The following MAGI2 variants were observed in gnomAD, a reference collection of about 807,000 sequenced individuals.
The protein encoded by MAGI2 is membrane associated guanylate kinase, WW and PDZ domain containing 2.
Under a neutral mutation model 133.3 loss-of-function variants are expected in MAGI2, and 35 were observed. That is an observed-to-expected ratio of 0.26 (90% confidence interval 0.20 to 0.35). The LOEUF (loss-of-function observed/expected upper bound fraction) is 0.35, where lower values mean the gene tolerates loss of function less well. Ranked by LOEUF, MAGI2 falls within the 10% of genes least tolerant of loss-of-function variation. The pLI is 1.00. For synonymous variants in MAGI2, 729 were observed against 710.6 expected (o/e 1.03, Z -0.41); for missense variants, 1,636 against 1,863.4 (o/e 0.88, Z 2.25).
chr7:78,072,834 A>AT (rs555000104), intron 21 of MAGI2: 2 of 397,712 alleles, frequency 5.0e-6, no homozygotes, highest in South Asian at 1.3e-4. Context: ...CGCTTGGCTA[A>AT]TTTTTTTGTA....
chr7:78,166,040 T>C (rs1453627768), intron 15 of MAGI2, among the ~76,000 whole-genome samples: 1 of 152,168 alleles, frequency 6.6e-6, no homozygotes, highest in Non-Finnish European at 1.5e-5. Context: ...AGCATAACAT[T>C]TTCAAAAATT....
chr7:79,143,533 A>G (rs1237206223), intron 1 of MAGI2, among the ~76,000 whole-genome samples: 2 of 152,214 alleles, frequency 1.3e-5, no homozygotes, highest in Non-Finnish European at 2.9e-5. Context: ...TAAAACTCAA[A>G]TAATAATAAA....
chr7:78,737,646 A>T (rs1287843802), intron 2 of MAGI2, among the ~76,000 whole-genome samples: 1 of 152,230 alleles, frequency 6.6e-6, no homozygotes, highest in Admixed American at 6.5e-5. Context: ...TCTTCTATGA[A>T]GCCAGAAATT....
intron 1 of MAGI2, among the ~76,000 whole-genome samples, chr7:79,283,163 G>T (rs112246189): frequency 0.035 from 5,397 of 152,062 alleles, 136 homozygotes; most frequent in African/African-American, 0.064. Flanking sequence ...TTCCCTCAGG[G>T]TTCAGAAATT....
At chr7:79,316,847 TCA>T (rs1838763337) in intron 1 of MAGI2, among the ~76,000 whole-genome samples, 1 of 152,116 alleles carries the variant, frequency 6.6e-6, no homozygotes. Flanking sequence ...CTTATGATTC[TCA>T]TTTTATGGAT....
intron 2 of MAGI2, among the ~76,000 whole-genome samples, chr7:78,841,318 C>G (rs1026828131): frequency 2.5e-4 from 38 of 152,044 alleles, no homozygotes; most frequent in African/African-American, 8.7e-4. Context: ...GACCCCTGGT[C>G]CTAAGTTGGG....
intron 2 of MAGI2, among the ~76,000 whole-genome samples, chr7:78,702,279 T>C (rs896909182): frequency 1.3e-5 from 2 of 151,906 alleles, no homozygotes; most frequent in African/African-American, 4.8e-5. Context: ...GAGCAAGGTA[T>C]ACATGCCAGA....
At chr7:78,461,916 CAAAAAAAAAAAAAAA>C (rs55811983) in intron 6 of MAGI2, among the ~76,000 whole-genome samples, 9 of 30,536 alleles carry the variant, frequency 2.9e-4, no homozygotes, top group Admixed American at 1.3e-3. Context: ...AATTCCGTCT[CAAAAAAAAAAAAAAA>C]AAAAAAAAAA....
intron 14 of MAGI2, among the ~76,000 whole-genome samples, chr7:78,173,700 T>A (rs1433937585): frequency 1.3e-5 from 2 of 152,204 alleles, no homozygotes; most frequent in Non-Finnish European, 2.9e-5. Flanking sequence ...AAGGCTCAAT[T>A]GGCATAAAAT....
intron 1 of MAGI2, among the ~76,000 whole-genome samples, chr7:79,403,821 C>T (rs763470353): frequency 1.1e-4 from 17 of 151,996 alleles, no homozygotes; most frequent in African/African-American, 2.9e-4. Flanking sequence ...ACATTAAATC[C>T]GACAGATGAC....
chr7:79,271,737 C>A (rs1205844593), intron 1 of MAGI2, among the ~76,000 whole-genome samples: 1 of 151,170 alleles, frequency 6.6e-6, no homozygotes, highest in African/African-American at 2.4e-5. Context: ...CCACCACACC[C>A]CTCCATCGTT....
chr7:78,031,904 G>A (rs1809609788), intron 21 of MAGI2, among the ~76,000 whole-genome samples: 1 of 151,858 alleles, frequency 6.6e-6, no homozygotes, highest in African/African-American at 2.4e-5. Flanking sequence ...AACCGTTTAT[G>A]TGCAGGGCTT....
intron 1 of MAGI2, among the ~76,000 whole-genome samples, chr7:79,318,778 C>G (rs1318797078): frequency 1.4e-4 from 21 of 152,102 alleles, no homozygotes; most frequent in Admixed American, 1.3e-3. Flanking sequence ...AACAAATTTG[C>G]TGTAGTTTTT....
intron 10 of MAGI2, among the ~76,000 whole-genome samples, chr7:78,245,326 A>T (rs888271581): frequency 1.4e-4 from 22 of 152,320 alleles, no homozygotes; most frequent in Admixed American, 1.4e-3. Flanking sequence ...GAGGAAAAGG[A>T]CATGATTGGC....
chr7:78,276,868 G>A (rs897812861), intron 9 of MAGI2, among the ~76,000 whole-genome samples: 3 of 152,050 alleles, frequency 2.0e-5, no homozygotes, highest in African/African-American at 4.8e-5. Flanking sequence ...GGAAGGGGGA[G>A]GAGACTTGTA....
At chr7:79,173,797 A>G (rs1364274299) in intron 1 of MAGI2, among the ~76,000 whole-genome samples, 3 of 152,268 alleles carry the variant, frequency 2.0e-5, no homozygotes, top group East Asian at 3.9e-4. Flanking sequence ...TTAAAACATT[A>G]TAATAGTACT....
At chr7:78,285,651 C>T (rs146576841) in intron 9 of MAGI2, 2 of 152,270 alleles carry the variant, frequency 1.3e-5, no homozygotes, top group African/African-American at 2.4e-5. Flanking sequence ...CTTTAACTGC[C>T]TCTCTGTGCT....
At chr7:78,414,601 T>C (rs1046008847) in intron 6 of MAGI2, among the ~76,000 whole-genome samples, 6 of 151,754 alleles carry the variant, frequency 4.0e-5, no homozygotes, top group South Asian at 2.1e-4. Context: ...TTTTTTTTCC[T>C]TAACACACAC....
intron 6 of MAGI2, among the ~76,000 whole-genome samples, chr7:78,422,636 A>T (rs1486473293): frequency 6.6e-6 from 1 of 152,050 alleles, no homozygotes; most frequent in Non-Finnish European, 1.5e-5. Flanking sequence ...TCTGTTGCAG[A>T]TATAAGAGAA....
Sources: gnomAD v4.1 joint callset for allele counts (sites outside exome capture counted in the v4.1 genomes callset) on GRCh38, gnomAD v4.1.1 for gene constraint, MANE v1.5 for transcripts, NCBI Gene and HGNC (gene_info 2026-07-23, HGNC 2026-07-21) for gene names.